The following CHORDC1 variants were observed in gnomAD, a reference collection of about 807,000 sequenced individuals.
CHORDC1 encodes the protein cysteine and histidine-rich domain-containing protein 1.
Under a neutral mutation model 48.3 loss-of-function variants are expected in CHORDC1, and 25 were observed. The ratio of observed to expected loss-of-function variants is 0.52; its 90% CI spans 0.38 to 0.72. The LOEUF (loss-of-function observed/expected upper bound fraction) is 0.72. Ranked by LOEUF, CHORDC1 falls within the 30% of genes least tolerant of loss-of-function variation. The pLI is 0.00. For missense variants in CHORDC1, 317 were observed against 388.7 expected (o/e 0.82, Z 1.55); for synonymous variants, 128 against 126.4 (o/e 1.01, Z -0.09).
At chr11:90,208,593 A>G (rs974976532) in intron 6 of CHORDC1, 1 of 152,222 alleles carries the variant, frequency 6.6e-6, no homozygotes, top group Non-Finnish European at 1.5e-5. Flanking sequence ...AACAAGCATT[A>G]TTATGCAGAA....
In CHORDC1 at chr11:90,202,282, T is replaced by C. The variant is rs1340217390; in HGVS notation, c.*123A>G. ...GACTTTGGCTTTTAAGAACCTAATG[T>C]TAACCCTGAAATGCCACATTCAGTA... On this transcript the variant is annotated 3_prime_UTR_variant, in exon 11 of 11. Coordinates refer to ENST00000320585, the MANE Select transcript of CHORDC1 (RefSeq NM_012124.3). The C allele has an allele frequency of 1.5e-5, 14 of 916,608 alleles. No individual in the cohort carries two copies. In the Middle Eastern group the frequency reaches 1.1e-3, roughly 69 times the overall value. 56.8% of individuals were successfully genotyped at this position (916,608 alleles called of 1,614,324 possible). A position where few individuals can be genotyped will look rare whatever the true frequency, so the allele number is the denominator to read the frequency against.
Position 90,211,239 on chromosome 11 carries a change from A to G in CHORDC1, c.409T>C (p.Ser137Pro), listed in dbSNP as rs754362879. ...KQALDKLKLS[S>P]GNEENKKEED... ...CCTTTCTTATTTTCTTCATTCCCTG[A>G]TGACAGTTTAAGTTTATCAAGTGCT... Residue 137 changes from serine (S) to proline (P), a missense_variant, in exon 5 of 11, where the codon TCA becomes CCA. Physicochemically the swap from Ser to Pro is moderately conservative, Grantham distance 74. Coordinates refer to ENST00000320585, the MANE Select transcript of CHORDC1 (RefSeq NM_012124.3). The G allele has an allele frequency of 3.1e-6, 5 of 1,590,630 alleles. No individual in the cohort carries two copies.
At chr11:90,215,635 T>G (rs558486713) in intron 2 of CHORDC1, among the ~76,000 whole-genome samples, 98 of 50,886 alleles carry the variant, frequency 1.9e-3, no homozygotes, top group Non-Finnish European at 3.6e-3. Context: ...GTAACTATCT[T>G]TAGTTAATTT....
chr11:90,207,562 A>G (rs927918793), intron 6 of CHORDC1: 9 of 152,104 alleles, frequency 5.9e-5, no homozygotes, highest in African/African-American at 1.7e-4. Context: ...AGAATTTCTG[A>G]TAAGAGTCAC....
chr11:90,222,192 G>A (rs1387851316), intron 1 of CHORDC1, among the ~76,000 whole-genome samples: 1 of 152,162 alleles, frequency 6.6e-6, no homozygotes, highest in Non-Finnish European at 1.5e-5. Context: ...ACATCTAGGT[G>A]CTGTAGATGA....
In CHORDC1 at chr11:90,200,452, G is replaced by C. The variant is rs548743830; in HGVS notation, c.*1953C>G. Among the ~76,000 whole-genome samples the C allele has an allele frequency of 3.3e-4, 50 of 152,018 alleles. No homozygotes were observed. Among genetic ancestry groups the C allele is most frequent in the African/African-American group, 1.1e-3 (44 of 41,524 alleles). ...AATTTCTAGAGAAATAAATCAATAA[G>C]CACTTTTTATTAACTTTTTTGACAA... On this transcript the variant is annotated 3_prime_UTR_variant, in exon 11 of 11. Coordinates refer to ENST00000320585, the MANE Select transcript of CHORDC1 (RefSeq NM_012124.3).
chr11:90,202,721 C>T (rs1857572618), intron 10 of CHORDC1, 92 bp downstream of exon 10: 3 of 1,440,514 alleles, frequency 2.1e-6, no homozygotes, highest in Non-Finnish European at 2.8e-6. Flanking sequence ...TACATCTATA[C>T]TTTGCATCAA....
At chr11:90,202,631 C>T (rs575984921) in intron 10 of CHORDC1, 80 bp from the exon 11 acceptor site, 1 of 1,496,128 alleles carries the variant, frequency 6.7e-7, no homozygotes, top group African/African-American at 1.4e-5. Context: ...TTGCTTATGC[C>T]AATAATCCCA....
chr11:90,222,730 G>A (rs961864490), intron 1 of CHORDC1, 161 bp downstream of exon 1: 3 of 736,266 alleles, frequency 4.1e-6, no homozygotes, highest in Admixed American at 4.2e-5. Context: ...CAGAGGGGCG[G>A]CCGGCGGGCT....
intron 6 of CHORDC1, chr11:90,206,893 C>T (rs1857709329): frequency 7.7e-6 from 4 of 522,502 alleles, no homozygotes; most frequent in Non-Finnish European, 1.3e-5. Flanking sequence ...ATTTATAGCA[C>T]TACCTACAAA....
In CHORDC1 at chr11:90,215,321, T is replaced by A. The variant is rs1857981149; in HGVS notation, c.115-91A>T. Reference sequence around the variant, plus strand: ...CTCTACTTGCACTTATCTACTTGAATCCTGCAGTAACTTGCGTATAGAGTG... The same window carrying A: ...CTCTACTTGCACTTATCTACTTGAAACCTGCAGTAACTTGCGTATAGAGTG... On this transcript the variant is annotated intron_variant, in intron 2 of 10. Coordinates refer to ENST00000320585, the MANE Select transcript of CHORDC1 (RefSeq NM_012124.3). The A allele has an allele frequency of 2.2e-5, 17 of 786,678 alleles. No homozygotes were observed. In the South Asian group the frequency reaches 3.3e-4, roughly 15 times the overall value. 48.7% of individuals were successfully genotyped at this position (786,678 alleles called of 1,614,324 possible). A position where few individuals can be genotyped will look rare whatever the true frequency, so the allele number is the denominator to read the frequency against.
chr11:90,207,773 A>AC (rs990827070), intron 6 of CHORDC1: 30 of 148,754 alleles, frequency 2.0e-4, no homozygotes, highest in East Asian at 1.8e-3. Context: ...AAAAAAAAAA[A>AC]AAAAACAAAA....
At position 90,201,132 on chromosome 11, in the gene CHORDC1, T is replaced by C. The variant is rs188042057; in HGVS notation, c.*1273A>G. On this transcript the variant is annotated 3_prime_UTR_variant, in exon 11 of 11. Coordinates refer to ENST00000320585, the MANE Select transcript of CHORDC1 (RefSeq NM_012124.3). ...GATACATATGTTTTATTCACGAAAATAGTACTTCTGCAAATTTTTCTTTGT... is the reference window on the plus strand; with the variant it reads ...GATACATATGTTTTATTCACGAAAACAGTACTTCTGCAAATTTTTCTTTGT... 2.6e-5 allele frequency: 4 copies of C among 152,102 alleles called. No individual in the cohort carries two copies. Among genetic ancestry groups the C allele is most frequent in the East Asian group, 1.9e-4 (1 of 5,176 alleles). 9.4% of individuals were successfully genotyped at this position (152,102 alleles called of 1,614,324 possible).
At chr11:90,212,331 T>C (rs945898238) in intron 4 of CHORDC1, 1 of 152,194 alleles carries the variant, frequency 6.6e-6, no homozygotes, top group Non-Finnish European at 1.5e-5. Context: ...ATGTAAAACA[T>C]TCCTTTATTA....
chr11:90,206,725 AAAGGG>A (rs1010128730), intron 6 of CHORDC1: 29 of 1,208,032 alleles, frequency 2.4e-5, no homozygotes, highest in South Asian at 1.0e-4. Context: ...TTATCCCTAT[AAAGGG>A]TAAAATGAGC....
intron 6 of CHORDC1, among the ~76,000 whole-genome samples, chr11:90,209,674 C>G (rs149124376): frequency 3.9e-4 from 60 of 152,162 alleles, no homozygotes; most frequent in African/African-American, 1.4e-3. Flanking sequence ...TATCAAGTAG[C>G]AAGAGGCAGG....
chr11:90,222,629 A>C, intron 1 of CHORDC1: 1 of 671,378 alleles, frequency 1.5e-6, no homozygotes, highest in Non-Finnish European at 2.7e-6. Context: ...CGACGGGGGA[A>C]ACACGTGGAT....
intron 2 of CHORDC1, 89 bp downstream of exon 2, chr11:90,218,046 T>C (rs1337341035): frequency 1.0e-6 from 1 of 970,466 alleles, no homozygotes; most frequent in East Asian, 2.9e-5. Context: ...AGTCACTAGC[T>C]GAGAAAAAAA....
chr11:90,209,123 A>G (rs1227383520), intron 6 of CHORDC1: 1 of 152,270 alleles, frequency 6.6e-6, no homozygotes, highest in Non-Finnish European at 1.5e-5. Flanking sequence ...CCAATCCAGT[A>G]ATTACTAATT....
Sources: gnomAD v4.1 joint callset for allele counts (sites outside exome capture counted in the v4.1 genomes callset) on GRCh38, gnomAD v4.1.1 for gene constraint, MANE v1.5 for transcripts, NCBI Gene and HGNC (gene_info 2026-07-23, HGNC 2026-07-21) for gene names.